ZNF16: variants seen among roughly 807,000 people sequenced by gnomAD.
ZNF16 encodes zinc finger protein 16.
A neutral mutation model predicts 9.0 loss-of-function variants in ZNF16; 7 were observed. The ratio of observed to expected loss-of-function variants is 0.78; its 90% CI spans 0.44 to 1.47. The LOEUF is 1.47. Among genes scored for constraint, ZNF16 ranks in the 40% most tolerant of loss-of-function variants. The probability of loss-of-function intolerance (pLI) is 0.01; values close to 1 mark genes in which losing one functional copy is unlikely to be tolerated. For missense variants in ZNF16, 830 were observed against 854.2 expected (o/e 0.97, Z 0.35); for synonymous variants, 312 against 301.5 (o/e 1.03, Z -0.36).
chr8:144,947,251 T>C (rs1217964038), intron 1 of ZNF16, among the ~76,000 whole-genome samples: 1 of 131,848 alleles, frequency 7.6e-6, no homozygotes, highest in Non-Finnish European at 1.6e-5. Flanking sequence ...CTGTGGGGCC[T>C]GTGTCCTGCT....
chr8:144,931,448 T>A lies in ZNF16; in HGVS notation c.1339A>T (p.Ser447Cys). Residue 447 changes from serine (S) to cysteine (C), a missense_variant, in exon 3 of 3, where the codon AGC becomes TGC. Physicochemically the swap from Ser to Cys is moderately radical, Grantham distance 112. Transcript: ENST00000394909. ...TGAATTCTCCGATGCTGAATAAGGC[T>A]GGAGCTCTGACTAAATGCTTTCCCA... ...DCGKAFSQSS[S>C]LIQHRRIHTG... 6.2e-7 allele frequency: 1 copy of A among 1,614,170 alleles called. No individual in the cohort carries two copies. The highest frequency in any genetic ancestry group is 8.5e-7 in the Non-Finnish European group (1 of 1,180,022).
Position 144,931,586 on chromosome 8 carries a change from C to T in ZNF16, c.1201G>A (p.Gly401Arg). Reference sequence around the variant, plus strand: ...TCATTACACTCATAAGGCTTCTCTCCAGTGTGGACCCTCTGGTGCTTCCTC... The same window carrying T: ...TCATTACACTCATAAGGCTTCTCTCTAGTGTGGACCCTCTGGTGCTTCCTC... ...HLRKHQRVHTGEKPYECNDCG... is the reference protein window; with the variant it reads ...HLRKHQRVHTREKPYECNDCG... The change falls in exon 3 of 3, where the codon GGA becomes AGA. Residue 401 changes from glycine to arginine, a missense_variant. By Grantham distance (125) the Gly-to-Arg change is moderately radical. Transcript: ENST00000394909. 1 of 1,614,168 alleles carries T rather than the reference C, an allele frequency of 6.2e-7. No homozygotes were observed.
chr8:144,938,093 C>T (rs1411738614), intron 2 of ZNF16, among the ~76,000 whole-genome samples: 1 of 152,214 alleles, frequency 6.6e-6, no homozygotes, highest in African/African-American at 2.4e-5. Flanking sequence ...CATATGTATG[C>T]GTTTATTTCT....
intron 2 of ZNF16, among the ~76,000 whole-genome samples, chr8:144,935,533 A>G (rs1384974188): frequency 6.6e-6 from 1 of 152,138 alleles, no homozygotes; most frequent in African/African-American, 2.4e-5. Flanking sequence ...AAAGTCAGTA[A>G]AATTTGGGCT....
In ZNF16 at chr8:144,930,962, C is replaced by T. The variant is rs767568341; in HGVS notation, c.1825G>A (p.Gly609Ser). ...KPYTCVECGK[G>S]FSQSSHLIQH... is the part of the protein sequence containing the mutation. ...ATGAGGTGTGAGCTCTGGCTGAAGC[C>T]CTTACCACATTCAACACAGGTGTAG... The change falls in exon 3 of 3, where the codon GGC becomes AGC. Residue 609 changes from glycine (G) to serine (S), a missense_variant. By Grantham distance (56) the Gly-to-Ser change is moderately conservative. Coordinates refer to ENST00000394909, the MANE Select transcript of ZNF16 (RefSeq NM_006958.3). 2 of 1,613,958 alleles carry T rather than the reference C, an allele frequency of 1.2e-6. No homozygotes were observed. The highest frequency in any genetic ancestry group is 1.7e-6 in the Non-Finnish European group (2 of 1,179,934).
rs756925298 is a variant in ZNF16, at chr8:144,931,357, C to T, written c.1430G>A (p.Arg477Gln). The T allele has an allele frequency of 2.2e-5, 36 of 1,613,824 alleles. No individual in the cohort carries two copies. The highest frequency in any genetic ancestry group is 3.3e-5 in the South Asian group (3 of 91,064). ...TCCCGTGTGGATGATCTGGTGCTTTCGGAGCACTGAGCTATAACTAAAGGC... is the reference window on the plus strand; with the variant it reads ...TCCCGTGTGGATGATCTGGTGCTTTTGGAGCACTGAGCTATAACTAAAGGC... ...GKAFSYSSVL[R>Q]KHQIIHTGEK... The change falls in exon 3 of 3, where the codon CGA becomes CAA. Residue 477 changes from arginine (R) to glutamine (Q), a missense_variant. Arg to Gln is a conservative substitution (Grantham distance 43). Transcript: ENST00000394909.
At chr8:144,936,802 A>C (rs2975262) in intron 2 of ZNF16, among the ~76,000 whole-genome samples, 152,132 of 152,132 alleles carry the variant, frequency 1, 76,066 homozygotes, top group Non-Finnish European at 1. Context: ...TCTCGGCTCA[A>C]TGCAACCTCC....
intron 1 of ZNF16, among the ~76,000 whole-genome samples, chr8:144,950,031 C>T (rs560969291): frequency 6.6e-6 from 1 of 152,316 alleles, no homozygotes; most frequent in South Asian, 2.1e-4. Context: ...AGAAAAACTG[C>T]CCTATGGTGA....
In ZNF16 at chr8:144,931,242, C is replaced by T; in HGVS notation, c.1545G>A (p.Lys515=). The stretch of plus-strand genomic sequence containing the variant: ...TCCCACACTCGTGGCAGGCGTAGGG[C>T]TTGTCGCCTGTGTGCACGCCCTGGT... The part of the protein sequence containing the change: ...IQHQGVHTGD[K]PYACHECGKT... Residue 515 remains lysine, a synonymous_variant, in exon 3 of 3, where the codon AAG becomes AAA. Transcript: ENST00000394909. 1 of 1,613,916 alleles carries T rather than the reference C, an allele frequency of 6.2e-7. No homozygotes were observed. The highest frequency in any genetic ancestry group is 8.5e-7 in the Non-Finnish European group (1 of 1,179,992).
Position 144,939,333 on chromosome 8 carries a change from C to T in ZNF16, c.196+6678G>A, listed in dbSNP as rs143563188. Among the ~76,000 whole-genome samples, 315 of 152,104 alleles carry T rather than the reference C, an allele frequency of 2.1e-3. 1 individual carries two copies. Among genetic ancestry groups the T allele is most frequent in the Non-Finnish European group, 3.6e-3 (248 of 67,994 alleles). On this transcript the variant is annotated intron_variant, in intron 2 of 2. Coordinates refer to ENST00000394909, the MANE Select transcript of ZNF16 (RefSeq NM_006958.3). ...CTTTAAATCCATTGTGGGCCAGGCA[C>T]GGTTGCTCAGTCTGTAATCCTAGCA... is the stretch of plus-strand genomic sequence containing the variant.
rs138747144 is a variant in ZNF16 at position 144,932,998 on chromosome 8, G to A, written c.197-408C>T. ...CAGGTGCTTCTCACTTCTCCCACCT[G>A]TACCAGAAAAACGTCTCACACCACT... On this transcript the variant is annotated intron_variant, in intron 2 of 2. Coordinates refer to ENST00000394909, the MANE Select transcript of ZNF16 (RefSeq NM_006958.3). The surrounding 1 kb of genome is among the most constrained non-coding windows in gnomAD (Gnocchi z 5.0). 6.6e-6 allele frequency among the ~76,000 whole-genome samples: 1 copy of A among 152,260 alleles called. No homozygotes were observed. The highest frequency in any genetic ancestry group is 2.4e-5 in the African/African-American group (1 of 41,546).
rs558459286 is a variant in ZNF16, at chr8:144,940,638, G to A, written c.196+5373C>T. Among the ~76,000 whole-genome samples, 4 of 152,286 alleles carry A rather than the reference G, an allele frequency of 2.6e-5. No homozygotes were observed. The South Asian group carries it at 8.3e-4, about 32-fold the overall frequency. On this transcript the variant is annotated intron_variant, in intron 2 of 2. Transcript: ENST00000394909. The stretch of plus-strand genomic sequence containing the variant: ...GTCTAACATATGGTTTGTGTTACAT[G>A]TACACTTGAGAAGAATGTATATCTT...
chr8:144,942,479 G>C (rs564267679), intron 2 of ZNF16, among the ~76,000 whole-genome samples: 2 of 151,546 alleles, frequency 1.3e-5, no homozygotes, highest in African/African-American at 4.9e-5. Flanking sequence ...GTAGAGACAG[G>C]GTTTCACCAT....
chr8:144,934,863 T>C (rs998589459), intron 2 of ZNF16, among the ~76,000 whole-genome samples: 1 of 152,086 alleles, frequency 6.6e-6, no homozygotes, highest in Non-Finnish European at 1.5e-5. Flanking sequence ...TTAAAACCCT[T>C]AAAAAACACC....
intron 1 of ZNF16, among the ~76,000 whole-genome samples, chr8:144,949,868 A>G (rs1271353261): frequency 3.3e-5 from 5 of 152,226 alleles, no homozygotes; most frequent in African/African-American, 1.2e-4. Flanking sequence ...CCCCAGCCCA[A>G]CGCCCGTAAA....
At chr8:144,947,086 C>CTGT (rs1563926264) in intron 1 of ZNF16, among the ~76,000 whole-genome samples, 2 of 125,618 alleles carry the variant, frequency 1.6e-5, no homozygotes, top group African/African-American at 7.2e-5. Context: ...TACTGTGGGC[C>CTGT]ATACCCTGCT....
intron 2 of ZNF16, chr8:144,944,603 T>G (rs931196437): frequency 2.6e-5 from 4 of 152,256 alleles, no homozygotes; most frequent in African/African-American, 4.8e-5. Flanking sequence ...TGTCTGTGCT[T>G]TCTCCAGGAC....
intron 1 of ZNF16, among the ~76,000 whole-genome samples, chr8:144,947,017 T>C (rs1308447549): frequency 2.4e-4 from 27 of 110,392 alleles, no homozygotes; most frequent in African/African-American, 1.0e-3. Context: ...TGGGCCTGTA[T>C]CCTGCTGTTG....
chr8:144,934,461 G>A (rs1833634248), intron 2 of ZNF16, among the ~76,000 whole-genome samples: 1 of 152,250 alleles, frequency 6.6e-6, no homozygotes, highest in Non-Finnish European at 1.5e-5. Context: ...ATTCCCCAAT[G>A]TCCCCCATGA....
Sources: gnomAD v4.1 joint callset for allele counts (sites outside exome capture counted in the v4.1 genomes callset) on GRCh38, gnomAD v4.1.1 for gene constraint, Gnocchi (gnomAD v3.1) non-coding constraint, MANE v1.5 for transcripts, NCBI Gene and HGNC (gene_info 2026-07-23, HGNC 2026-07-21) for gene names.